Variants in RBFOX1 observed in about 807,000 individuals in gnomAD.
The protein encoded by RBFOX1 is RNA binding protein fox-1 homolog 1.
In RBFOX1, 8 loss-of-function variants were observed where a neutral mutation model predicts 57.7. That is an observed-to-expected ratio of 0.14 (90% CI 0.08 to 0.25). RBFOX1 has a LOEUF of 0.25. RBFOX1 is among the 10% of genes least tolerant of loss of function. The probability of loss-of-function intolerance (pLI) is 1.00; values close to 1 mark genes in which losing one functional copy is unlikely to be tolerated. For synonymous variants in RBFOX1, 326 were observed against 222.4 expected (o/e 1.47, Z -4.15); for missense variants, 611 against 548.5 (o/e 1.11, Z -1.14).
At chr16:5,641,018 C>G (rs1274716688) in intron 3 of RBFOX1, among the ~76,000 whole-genome samples, 2 of 151,592 alleles carry the variant, frequency 1.3e-5, no homozygotes, top group Admixed American at 1.3e-4. Flanking sequence ...CATACATGCA[C>G]ACCATGCATA....
chr16:5,657,658 T>TTTCTTTC lies in RBFOX1; in HGVS notation c.318+58699_318+58700insCTTTCTT, dbSNP rs772199587. On this transcript the variant is annotated intron_variant, in intron 3 of 19. Transcript: ENST00000641259. ...TTTCTTTCTTTCTTTCTTTCTTTTC[T>TTTCTTTC]TTTCTTTCTTTCTTTTCTTTTCTTT... Among the ~76,000 whole-genome samples the TTTCTTTC allele has an allele frequency of 8.3e-3, 1,048 of 126,124 alleles. 17 individuals are homozygous for TTTCTTTC. Among genetic ancestry groups the TTTCTTTC allele is most frequent in the African/African-American group, 0.027 (891 of 32,806 alleles). 82.7% of individuals were successfully genotyped at this position (126,124 alleles called of 152,430 possible).
intron 1 of RBFOX1, among the ~76,000 whole-genome samples, chr16:6,219,337 C>T (rs1598471153): frequency 6.6e-6 from 1 of 152,164 alleles, no homozygotes. Context: ...TAATAGTTAT[C>T]CTGCGGTCAC....
At chr16:5,891,535 C>T (rs2058044663) in intron 4 of RBFOX1, among the ~76,000 whole-genome samples, 1 of 152,224 alleles carries the variant, frequency 6.6e-6, no homozygotes, top group Non-Finnish European at 1.5e-5. Flanking sequence ...AGCCCGTTTT[C>T]CCTCATCCCC....
At chr16:5,442,369 G>C (rs189503400) in intron 1 of RBFOX1, among the ~76,000 whole-genome samples, 204 of 152,346 alleles carry the variant, frequency 1.3e-3, no homozygotes, top group Non-Finnish European at 2.4e-3. Context: ...TGTCCTGCAG[G>C]CTCTGGGAAA....
intron 1 of RBFOX1, among the ~76,000 whole-genome samples, chr16:5,369,683 C>T (rs1319687727): frequency 2.0e-5 from 3 of 152,218 alleles, no homozygotes; most frequent in Admixed American, 6.5e-5. Context: ...ATTTCCAAAG[C>T]ACACCTGCTT....
intron 3 of RBFOX1, among the ~76,000 whole-genome samples, chr16:5,678,404 C>T (rs1471471711): frequency 6.6e-6 from 1 of 152,162 alleles, no homozygotes; most frequent in Non-Finnish European, 1.5e-5. Context: ...GAAAGAAATT[C>T]CTGCCAGTTT....
Position 7,010,966 on chromosome 16 carries a change from T to C in RBFOX1, c.-15-41091T>C, listed in dbSNP as rs553842781. Among the ~76,000 whole-genome samples the C allele has an allele frequency of 3.5e-4, 54 of 152,358 alleles. 1 individual carries two copies. The highest frequency in any genetic ancestry group is 1.3e-3 in the African/African-American group (53 of 41,582). ...GCAGGGCCTTGGGCAAGAGGATAAA[T>C]TAACTACTTAGGCTGTTCTTTCCTG... is the stretch of plus-strand genomic sequence containing the variant. On this transcript the variant is annotated intron_variant, in intron 3 of 15. Coordinates refer to ENST00000550418, the MANE Select transcript of RBFOX1 (RefSeq NM_018723.4).
intron 5 of RBFOX1, among the ~76,000 whole-genome samples, chr16:7,550,868 C>T (rs1198522147): frequency 3.3e-5 from 5 of 152,006 alleles, no homozygotes; most frequent in East Asian, 1.9e-4. Context: ...CCGAGGCAGG[C>T]GGATCACTTG....
intron 4 of RBFOX1, among the ~76,000 whole-genome samples, chr16:7,096,100 G>A (rs1389981550): frequency 6.6e-6 from 1 of 151,828 alleles, no homozygotes; most frequent in Non-Finnish European, 1.5e-5. Context: ...AAGTTCTGAC[G>A]ACCCAGGAGA....
chr16:7,387,570 T>C (rs2097905747), intron 4 of RBFOX1, among the ~76,000 whole-genome samples: 1 of 152,188 alleles, frequency 6.6e-6, no homozygotes, highest in African/African-American at 2.4e-5. Flanking sequence ...AACTGTGAAA[T>C]AAATCCATAC....
chr16:7,229,517 AAAGGAGAGGAGAGGGAGGAAGGG>A (rs1173139063), intron 4 of RBFOX1, among the ~76,000 whole-genome samples: 1 of 148,290 alleles, frequency 6.7e-6, no homozygotes, highest in Non-Finnish European at 1.5e-5. Context: ...AAGGGAAAGG[AAAGGAGAGGAGAGGGAGGAAGGG>A]AAGGAGAGAG....
chr16:6,346,495 C>T (rs75048589), intron 2 of RBFOX1, among the ~76,000 whole-genome samples: 6 of 142,688 alleles, frequency 4.2e-5, no homozygotes, highest in Admixed American at 7.0e-5. Context: ...ACTGTTCCAA[C>T]GAGGCAAGGC....
At chr16:6,940,408 C>T (rs1377500030) in intron 3 of RBFOX1, among the ~76,000 whole-genome samples, 1 of 152,138 alleles carries the variant, frequency 6.6e-6, no homozygotes, top group South Asian at 2.1e-4. Flanking sequence ...AATTCAGGAG[C>T]AGCTAAAGCT....
chr16:6,499,285 A>C (rs926900037), intron 2 of RBFOX1, among the ~76,000 whole-genome samples: 4 of 152,174 alleles, frequency 2.6e-5, no homozygotes, highest in Non-Finnish European at 5.9e-5. Flanking sequence ...GAAAAGCATA[A>C]AGAAATTGCC....
At chr16:7,074,508 T>C (rs113716787) in intron 4 of RBFOX1, among the ~76,000 whole-genome samples, 4,093 of 151,948 alleles carry the variant, frequency 0.027, 193 homozygotes, top group African/African-American at 0.093. Flanking sequence ...TTGAAGACAG[T>C]GAAGAATAGA....
chr16:7,456,481 A>C (rs949819059), intron 4 of RBFOX1, among the ~76,000 whole-genome samples: 2 of 152,038 alleles, frequency 1.3e-5, no homozygotes, highest in African/African-American at 2.4e-5. Context: ...TGCCTCTCCA[A>C]CTCCCAGCAT....
intron 2 of RBFOX1, among the ~76,000 whole-genome samples, chr16:6,408,458 A>G (rs2093357875): frequency 6.6e-6 from 1 of 152,142 alleles, no homozygotes; most frequent in African/African-American, 2.4e-5. Flanking sequence ...CTGGATCTTT[A>G]TGCAGCTGGT....
In RBFOX1 at chr16:6,713,524, A is replaced by G. The variant is rs556549072; in HGVS notation, c.-16+58874A>G. On this transcript the variant is annotated intron_variant, in intron 3 of 15. Coordinates refer to ENST00000550418, the MANE Select transcript of RBFOX1 (RefSeq NM_018723.4). ...AGCATCCCTGGCCTCTACCCACTAG[A>G]TGCAAGTAAAACCCCCTCCCCAGTT... Among the ~76,000 whole-genome samples the G allele has an allele frequency of 3.3e-5, 5 of 152,136 alleles. No individual in the cohort carries two copies. In the South Asian group the frequency reaches 1.0e-3, roughly 32 times the overall value.
intron 4 of RBFOX1, among the ~76,000 whole-genome samples, chr16:6,005,963 A>G (rs1389113571): frequency 6.6e-6 from 1 of 152,210 alleles, no homozygotes; most frequent in African/African-American, 2.4e-5. Flanking sequence ...ATCAGACTGT[A>G]TAGCAGACAA....
Sources: allele counts gnomAD v4.1 joint callset (sites outside exome capture counted in the v4.1 genomes callset), GRCh38; gene constraint gnomAD v4.1.1; transcripts MANE v1.5; gene names NCBI Gene and HGNC (gene_info 2026-07-23, HGNC 2026-07-21).